The following TBC1D22A variants were observed in gnomAD, a reference collection of about 807,000 sequenced individuals.
TBC1D22A encodes putative GTPase activator.
A neutral mutation model predicts 60.2 loss-of-function variants in TBC1D22A; 38 were observed. The ratio of observed to expected loss-of-function variants is 0.63; its 90% CI spans 0.49 to 0.83. The LOEUF is 0.83. Among genes scored for constraint, TBC1D22A ranks in the 40% least tolerant of loss-of-function variants. TBC1D22A has a pLI of 0.00. For synonymous variants in TBC1D22A, 302 were observed against 281.7 expected (o/e 1.07, Z -0.72); for missense variants, 628 against 701.0 (o/e 0.90, Z 1.18).
At chr22:47,039,471 A>G (rs938684387) in intron 11 of TBC1D22A, among the ~76,000 whole-genome samples, 3 of 152,092 alleles carry the variant, frequency 2.0e-5, no homozygotes, top group African/African-American at 7.2e-5. Context: ...TTAACCCCTT[A>G]CAAGGTAGCT....
At chr22:46,832,324 G>C (rs1234757496) in intron 4 of TBC1D22A, among the ~76,000 whole-genome samples, 1 of 152,234 alleles carries the variant, frequency 6.6e-6, no homozygotes, top group East Asian at 1.9e-4. Flanking sequence ...AGAAAGTTAT[G>C]ATTTATGGAA....
chr22:46,956,700 G>A (rs532836425), intron 8 of TBC1D22A, among the ~76,000 whole-genome samples: 98 of 152,304 alleles, frequency 6.4e-4, no homozygotes, highest in Admixed American at 2.0e-4. Context: ...CCGTCTGTGG[G>A]GCGCGTTCCC....
At chr22:47,069,448 G>A (rs1439367320) in intron 11 of TBC1D22A, among the ~76,000 whole-genome samples, 1 of 152,242 alleles carries the variant, frequency 6.6e-6, no homozygotes, top group Non-Finnish European at 1.5e-5. Context: ...TGTCCTCTCG[G>A]TGAGGCCTCG....
chr22:47,163,548 C>T lies in TBC1D22A; in HGVS notation c.1426-9950C>T, dbSNP rs920807828. 4.6e-5 allele frequency among the ~76,000 whole-genome samples: 7 copies of T among 152,002 alleles called. 1 individual carries two copies. Among genetic ancestry groups the T allele is most frequent in the South Asian group, 4.1e-4 (2 of 4,832 alleles). On this transcript the variant is annotated intron_variant, in intron 12 of 12. Coordinates refer to ENST00000337137, the MANE Select transcript of TBC1D22A (RefSeq NM_014346.5). ...GACCTGGAGTTACACAGAAGGCAGA[C>T]GGGTGAGGTTGCAATGGGAAAGGGA...
chr22:46,892,604 A>G (rs1039702037), intron 6 of TBC1D22A, among the ~76,000 whole-genome samples: 7 of 152,250 alleles, frequency 4.6e-5, no homozygotes, highest in Non-Finnish European at 1.0e-4. Flanking sequence ...TTAAGGAAAT[A>G]TTAGCTTACC....
At chr22:47,008,458 G>A (rs1228217689) in intron 10 of TBC1D22A, among the ~76,000 whole-genome samples, 1 of 152,202 alleles carries the variant, frequency 6.6e-6, no homozygotes, top group Non-Finnish European at 1.5e-5. Flanking sequence ...CCCTGCCTGG[G>A]ACCTGAACCA....
intron 9 of TBC1D22A, among the ~76,000 whole-genome samples, chr22:46,982,373 G>A (rs1326111426): frequency 6.6e-6 from 1 of 151,950 alleles, no homozygotes; most frequent in African/African-American, 2.4e-5. Context: ...ACAGGCACCC[G>A]CCTCCACGCC....
At chr22:47,168,936 G>A (rs981611242) in intron 12 of TBC1D22A, among the ~76,000 whole-genome samples, 5 of 152,104 alleles carry the variant, frequency 3.3e-5, no homozygotes, top group Admixed American at 6.5e-5. Flanking sequence ...CTTCGGCATC[G>A]GGAGCCTCAG....
chr22:46,838,721 T>G (rs1459052780), intron 4 of TBC1D22A, among the ~76,000 whole-genome samples: 1 of 152,200 alleles, frequency 6.6e-6, no homozygotes, highest in Non-Finnish European at 1.5e-5. Flanking sequence ...TGTGATTAAT[T>G]GGGATTTATC....
chr22:47,073,537 T>G (rs2064087013), intron 11 of TBC1D22A, among the ~76,000 whole-genome samples: 1 of 152,176 alleles, frequency 6.6e-6, no homozygotes, highest in Non-Finnish European at 1.5e-5. Context: ...ATACAATGAT[T>G]GTGTGTACCC....
intron 11 of TBC1D22A, among the ~76,000 whole-genome samples, chr22:47,110,504 G>T (rs571271361): frequency 6.6e-6 from 1 of 151,940 alleles, no homozygotes; most frequent in African/African-American, 2.4e-5. Flanking sequence ...AATAATAAAC[G>T]CCTTTTTTCT....
intron 11 of TBC1D22A, among the ~76,000 whole-genome samples, chr22:47,043,504 C>T (rs2062919963): frequency 6.6e-6 from 1 of 152,196 alleles, no homozygotes; most frequent in Non-Finnish European, 1.5e-5. Context: ...GCAGCCCCTG[C>T]CACCTGCAAT....
intron 4 of TBC1D22A, among the ~76,000 whole-genome samples, chr22:46,815,308 G>T (rs888290367): frequency 3.9e-5 from 6 of 152,222 alleles, no homozygotes; most frequent in Admixed American, 2.6e-4. Context: ...TGTCCCTGCG[G>T]TTCCCTGCTG....
chr22:47,056,953 G>A (rs2063412774), intron 11 of TBC1D22A, among the ~76,000 whole-genome samples: 2 of 152,298 alleles, frequency 1.3e-5, no homozygotes, highest in Admixed American at 1.3e-4. Context: ...TCACAGGGAG[G>A]GGTCCAGCAG....
intron 4 of TBC1D22A, among the ~76,000 whole-genome samples, chr22:46,856,659 G>C (rs933759861): frequency 6.6e-6 from 1 of 152,182 alleles, no homozygotes; most frequent in African/African-American, 2.4e-5. Flanking sequence ...GGTACCAGAC[G>C]TGCAGATTAG....
At chr22:47,106,674 C>A (rs573817002) in intron 11 of TBC1D22A, among the ~76,000 whole-genome samples, 76 of 151,792 alleles carry the variant, frequency 5.0e-4, no homozygotes, top group African/African-American at 1.8e-3. Context: ...AAAGAAAGGT[C>A]TAGGTGCAAG....
intron 10 of TBC1D22A, among the ~76,000 whole-genome samples, chr22:47,020,008 T>C (rs1265858650): frequency 3.4e-5 from 5 of 147,876 alleles, no homozygotes; most frequent in East Asian, 2.0e-4. Context: ...CCCTTAACCC[T>C]CCATCCTTCC....
At chr22:46,807,256 T>TATGATGGTGATTGTGGGG (rs1555898054) in intron 4 of TBC1D22A, among the ~76,000 whole-genome samples, 1 of 151,400 alleles carries the variant, frequency 6.6e-6, no homozygotes, top group Admixed American at 6.6e-5. Context: ...TAGTGTTGAT[T>TATGATGGTGATTGTGGGG]GTGATGGTGA....
chr22:46,802,015 G>T (rs575023202), intron 4 of TBC1D22A, among the ~76,000 whole-genome samples: 1 of 152,362 alleles, frequency 6.6e-6, no homozygotes, highest in Admixed American at 6.5e-5. Context: ...GGAAGCAGGT[G>T]CGGCCTTGGA....
Sources: allele counts gnomAD v4.1 joint callset (sites outside exome capture counted in the v4.1 genomes callset), GRCh38; gene constraint gnomAD v4.1.1; transcripts MANE v1.5; gene names NCBI Gene and HGNC (gene_info 2026-07-23, HGNC 2026-07-21).